The following RNF17 variants were observed in gnomAD, a reference collection of about 807,000 sequenced individuals.
RNF17 encodes the protein ring finger protein 17.
Under a neutral mutation model 200.5 loss-of-function variants are expected in RNF17, and 31 were observed. The ratio of observed to expected loss-of-function variants is 0.15; its 90% CI spans 0.12 to 0.21. The LOEUF is 0.21. RNF17 is among the 10% of genes least tolerant of loss of function. The pLI, the probability that RNF17 is intolerant of heterozygous loss-of-function variation, is 1.00. For synonymous variants in RNF17, 606 were observed against 637.8 expected (o/e 0.95, Z 0.75); for missense variants, 1,628 against 1,905.1 (o/e 0.85, Z 2.71).
chr13:24,768,760 C>CT (rs1880176046), intron 2 of RNF17, among the ~76,000 whole-genome samples: 1 of 151,840 alleles, frequency 6.6e-6, no homozygotes, highest in South Asian at 2.1e-4. Context: ...CCTGCTTTGT[C>CT]TTATCTCCTA....
intron 3 of RNF17, among the ~76,000 whole-genome samples, chr13:24,775,816 C>A (rs548507254): frequency 6.6e-6 from 1 of 152,226 alleles, no homozygotes; most frequent in South Asian, 2.1e-4. Context: ...TATGTCTTTT[C>A]CTGCTAGTCT....
At chr13:24,776,481 A>G (rs1881584897) in intron 3 of RNF17, among the ~76,000 whole-genome samples, 1 of 152,216 alleles carries the variant, frequency 6.6e-6, no homozygotes, top group Admixed American at 6.5e-5. Context: ...CAGAACCAGA[A>G]TGTAAACCTA....
In RNF17 at chr13:24,853,926, C is replaced by T; in HGVS notation, c.3392C>T (p.Ser1131Leu). 1.2e-6 allele frequency: 2 copies of T among 1,613,710 alleles called. No individual in the cohort carries two copies. Among genetic ancestry groups the T allele is most frequent in the East Asian group, 2.2e-5 (1 of 44,854 alleles). Residue 1131 changes from serine (S) to leucine (L), a missense_variant, in exon 25 of 36, where the codon TCA (serine) becomes TTA (leucine). Transcript: ENST00000255324. ...GAAGTCCCCCTGGAACAGGAAGATT[C>T]AGTAGTTACTAACTGTATTAAAACT... ...SLEVPLEQED[S>L]VVTNCIKTNF...
At chr13:24,862,352 C>T (rs985985129) in intron 27 of RNF17, among the ~76,000 whole-genome samples, 11 of 152,192 alleles carry the variant, frequency 7.2e-5, no homozygotes, top group Non-Finnish European at 1.5e-4. Flanking sequence ...ACGCAACAAC[C>T]GCTATTCCTT....
chr13:24,800,631 T>G, intron 13 of RNF17, 97 bp downstream of exon 13: 1 of 886,054 alleles, frequency 1.1e-6, no homozygotes, highest in Non-Finnish European at 1.7e-6. Flanking sequence ...AGGGAACCAG[T>G]AATCTTGATA....
In RNF17 at chr13:24,799,547, G is replaced by A; in HGVS notation, c.1552G>A (p.Val518Ile). ...AGTTGCACTAATACAAATATTCATG[G>A]TAGATTTTGGAAATTCTGAAGTCCT... is the stretch of plus-strand genomic sequence containing the variant. ...HEVALIQIFM[V>I]DFGNSEVLIV... Residue 518 changes from valine to isoleucine, a missense_variant, in exon 12 of 36, where the codon GTA (valine) becomes ATA (isoleucine). Around this residue, in one of 5 missense-constraint regions of RNF17, gnomAD observed 289 missense variants for 384.9 expected, o/e 0.75. Transcript: ENST00000255324. 6.2e-7 allele frequency: 1 copy of A among 1,609,910 alleles called. No homozygotes were observed. The highest frequency in any genetic ancestry group is 1.3e-5 in the African/African-American group (1 of 74,820).
chr13:24,811,751 T>C (rs1221254005), intron 15 of RNF17, among the ~76,000 whole-genome samples: 3 of 152,086 alleles, frequency 2.0e-5, no homozygotes, highest in Non-Finnish European at 4.4e-5. Flanking sequence ...TTCTGCTCTG[T>C]TTTTTCCCCA....
At chr13:24,814,897 A>T (rs918681483) in intron 15 of RNF17, among the ~76,000 whole-genome samples, 1 of 152,226 alleles carries the variant, frequency 6.6e-6, no homozygotes, top group Non-Finnish European at 1.5e-5. Flanking sequence ...ATATAGTATG[A>T]TATTGAGTAT....
chr13:24,767,375 T>C lies in RNF17; in HGVS notation c.225+9T>C. ...TATGCCCTGATTGTGAGGTAAGTGT[T>C]ATAATTTTTCAGATGAAACATATCA... is the stretch of plus-strand genomic sequence containing the variant. On this transcript the variant is annotated intron_variant, in intron 2 of 35. Transcript: ENST00000255324. 6.5e-7 allele frequency: 1 copy of C among 1,544,870 alleles called. No homozygotes were observed. Among genetic ancestry groups the C allele is most frequent in the Non-Finnish European group, 8.9e-7 (1 of 1,118,390 alleles).
chr13:24,778,857 GAAC>G (rs944654875), intron 4 of RNF17, among the ~76,000 whole-genome samples: 2 of 152,082 alleles, frequency 1.3e-5, no homozygotes, highest in Non-Finnish European at 2.9e-5. Context: ...ATTAGAAATA[GAAC>G]AAACTCCAAA....
At chr13:24,778,118 C>T (rs913873840) in intron 3 of RNF17, among the ~76,000 whole-genome samples, 177 bp from the exon 4 acceptor site, 3 of 151,994 alleles carry the variant, frequency 2.0e-5, no homozygotes, top group African/African-American at 4.8e-5. Flanking sequence ...AAAAATTAGC[C>T]GAGTGTGGTG....
chr13:24,777,698 T>C (rs1053885684), intron 3 of RNF17, among the ~76,000 whole-genome samples: 7 of 152,218 alleles, frequency 4.6e-5, no homozygotes, highest in African/African-American at 1.7e-4. Context: ...ATTTCATTGA[T>C]TATCAACATC....
At chr13:24,841,625 G>A (rs528365756) in intron 18 of RNF17, among the ~76,000 whole-genome samples, 1 of 152,124 alleles carries the variant, frequency 6.6e-6, no homozygotes, top group African/African-American at 2.4e-5. Context: ...AATGTCATGT[G>A]TGCAAATGAA....
the RNF17 span, chr13:24,885,291 A>G: frequency 1.9e-6 from 3 of 1,606,032 alleles, no homozygotes; most frequent in African/African-American, 1.3e-5. Flanking sequence ...CATCAGGATG[A>G]CTGATTTCTC....
intron 15 of RNF17, among the ~76,000 whole-genome samples, chr13:24,823,451 T>C (rs1252554910): frequency 6.6e-6 from 1 of 150,544 alleles, no homozygotes; most frequent in Non-Finnish European, 1.5e-5. Context: ...TTCCTTGTCA[T>C]GTATGATCAC....
At chr13:24,885,163 G>A in the RNF17 span, 1 of 717,784 alleles carries the variant, frequency 1.4e-6, no homozygotes, top group Non-Finnish European at 2.4e-6. Flanking sequence ...ACGAGAAATG[G>A]CAACTAAAGG....
chr13:24,843,681 C>G, intron 19 of RNF17, 63 bp from the exon 20 acceptor site: 1 of 960,392 alleles, frequency 1.0e-6, no homozygotes, highest in East Asian at 2.6e-5. Context: ...AGATACAGAC[C>G]TGAGCAAATG....
At chr13:24,877,832 G>A (rs1895014754) in intron 34 of RNF17, among the ~76,000 whole-genome samples, 1 of 152,168 alleles carries the variant, frequency 6.6e-6, no homozygotes, top group Admixed American at 6.6e-5. Context: ...ACTCCAGACT[G>A]CATTTAATGT....
At chr13:24,869,787 TA>T (rs141769802) in intron 31 of RNF17, among the ~76,000 whole-genome samples, 5,142 of 152,114 alleles carry the variant, frequency 0.034, 289 homozygotes, top group African/African-American at 0.11. Flanking sequence ...TTTTTTGAGA[TA>T]GGGGTCACGT....
Sources: gnomAD v4.1 joint callset for allele counts (sites outside exome capture counted in the v4.1 genomes callset) on GRCh38, gnomAD v4.1.1 for gene constraint, gnomAD v4.1.1 regional missense constraint, MANE v1.5 for transcripts, NCBI Gene and HGNC (gene_info 2026-07-23, HGNC 2026-07-21) for gene names.